Variants in PSD2 observed in about 807,000 individuals in gnomAD.
PSD2 encodes the protein PH and SEC7 domain-containing protein 2.
A neutral mutation model predicts 69.8 loss-of-function variants in PSD2; 38 were observed. The ratio of observed to expected loss-of-function variants is 0.54; its 90% CI spans 0.42 to 0.71. The LOEUF (loss-of-function observed/expected upper bound fraction) is 0.71, where lower values mean the gene tolerates loss of function less well. Ranked by LOEUF, PSD2 falls within the 30% of genes least tolerant of loss-of-function variation. The probability of loss-of-function intolerance (pLI) is 0.00; values close to 1 mark genes in which losing one functional copy is unlikely to be tolerated. For synonymous variants in PSD2, 412 were observed against 423.0 expected, an observed-to-expected ratio of 0.97 and a Z score of 0.32; for missense variants, 943 against 1,014.5, an observed-to-expected ratio of 0.93 and a Z score of 0.96.
At chr5:139,809,342 C>T (rs1561594801) in intron 1 of PSD2, 49 bp from the exon 2 acceptor site, 1 of 1,436,238 alleles carries the variant, frequency 7.0e-7, no homozygotes, top group Non-Finnish European at 9.4e-7. Flanking sequence ...AGGTGCCCCC[C>T]AGCCCCAGTC....
In PSD2 at chr5:139,813,423, C is replaced by T. The variant is rs573050249; in HGVS notation, c.486C>T (p.Asp162=). 5.5e-5 allele frequency: 89 copies of T among 1,613,914 alleles called. No individual in the cohort carries two copies. Among genetic ancestry groups the T allele is most frequent in the East Asian group, 4.7e-4 (21 of 44,872 alleles). ...GTQYSSLDSL[D]GLSLTDESDS... The stretch of plus-strand genomic sequence containing the variant: ...AGTACAGCAGCCTCGACTCCCTAGA[C>T]GGGCTGAGCCTCACGGATGAGAGCG... Residue 162 remains aspartate, a synonymous_variant, in exon 3 of 15, where the codon GAC becomes GAT. Transcript: ENST00000274710.
At chr5:139,783,943 C>CTTTTTTTTTTTTTTTTTTTTT in the PSD2 span, among the ~76,000 whole-genome samples, 129 of 87,878 alleles carry the variant, frequency 1.5e-3, 9 homozygotes, top group African/African-American at 5.2e-3. Context: ...TCTGCTAGCT[C>CTTTTTTTTTTTTTTTTTTTTT]TTTTTTTTTT....
chr5:139,840,289 G>A (rs1760842855), intron 14 of PSD2, 119 bp downstream of exon 14: 1 of 1,153,928 alleles, frequency 8.7e-7, no homozygotes, highest in South Asian at 1.5e-5. Context: ...TGATGTGGGA[G>A]CTGGGAGGGA....
chr5:139,794,390 T>C (rs945600013), upstream of PSD2, among the ~76,000 whole-genome samples: 7 of 152,210 alleles, frequency 4.6e-5, no homozygotes, highest in African/African-American at 1.7e-4. Context: ...CAGCTCCTGC[T>C]GTTGCCCAGC....
Position 139,814,091 on chromosome 5 carries a change from G to A in PSD2, c.822-79G>A. ...GCCCCTACATGGTTTGCAGTGGCCT[G>A]GGGAAACCTCCCAGCCTCCTCTGGG... is the stretch of plus-strand genomic sequence containing the variant. On this transcript the variant is annotated intron_variant, in intron 3 of 14. Transcript: ENST00000274710. The surrounding 1 kb of genome is among the most constrained non-coding windows in gnomAD (Gnocchi z 4.4). 1.4e-6 allele frequency: 2 copies of A among 1,429,236 alleles called. No individual in the cohort carries two copies. The highest frequency in any genetic ancestry group is 9.7e-7 in the Non-Finnish European group (1 of 1,034,096). 88.5% of individuals were successfully genotyped at this position (1,429,236 alleles called of 1,614,324 possible).
chr5:139,744,561 G>A, the PSD2 span, among the ~76,000 whole-genome samples: 2 of 152,314 alleles, frequency 1.3e-5, no homozygotes, highest in Admixed American at 1.3e-4. Context: ...AAGACAGATG[G>A]CGAGGGATTA....
At chr5:139,802,302 G>A (rs1247860592) in intron 1 of PSD2, among the ~76,000 whole-genome samples, 1 of 152,046 alleles carries the variant, frequency 6.6e-6, no homozygotes, top group Non-Finnish European at 1.5e-5. Context: ...GCAGACAGAA[G>A]GGAGGAGGAA....
the PSD2 span, among the ~76,000 whole-genome samples, chr5:139,788,727 C>T: frequency 1.3e-5 from 2 of 152,170 alleles, no homozygotes; most frequent in Non-Finnish European, 1.5e-5. Context: ...GGCCGGCTGC[C>T]GGCTGGCTCT....
intron 8 of PSD2, 74 bp from the exon 9 acceptor site, chr5:139,835,649 A>C: frequency 1.4e-6 from 2 of 1,448,398 alleles, no homozygotes; most frequent in Non-Finnish European, 1.9e-6. Flanking sequence ...CACTGTACCC[A>C]TGTTATTGGT....
At chr5:139,799,610 G>A (rs898017345) in intron 1 of PSD2, among the ~76,000 whole-genome samples, 1 of 152,168 alleles carries the variant, frequency 6.6e-6, no homozygotes, top group African/African-American at 2.4e-5. Context: ...CTCTGAGGAG[G>A]ATGGAGTGGG....
chr5:139,755,480 T>G, the PSD2 span, among the ~76,000 whole-genome samples: 1 of 152,136 alleles, frequency 6.6e-6, no homozygotes, highest in Non-Finnish European at 1.5e-5. Context: ...TAGCTCTGCC[T>G]GCGTCATTCT....
the PSD2 span, among the ~76,000 whole-genome samples, chr5:139,771,499 C>T: frequency 3.3e-5 from 5 of 152,212 alleles, no homozygotes; most frequent in Middle Eastern, 3.2e-3. Context: ...CTGCCTCAGC[C>T]TCCCGAGTAG....
the PSD2 span, among the ~76,000 whole-genome samples, chr5:139,763,846 C>T: frequency 6.6e-6 from 1 of 152,326 alleles, no homozygotes; most frequent in African/African-American, 2.4e-5. Flanking sequence ...CTTGCGTTTT[C>T]TCCCAAGACC....
At chr5:139,803,410 C>T (rs1424035163) in intron 1 of PSD2, among the ~76,000 whole-genome samples, 1 of 152,206 alleles carries the variant, frequency 6.6e-6, no homozygotes. Flanking sequence ...TTCCTTGCAG[C>T]CCCCAGAAGG....
In PSD2 at chr5:139,839,945, G is replaced by A. The variant is rs1760830327; in HGVS notation, c.1969-82G>A. 2 of 1,495,036 alleles carry A rather than the reference G, an allele frequency of 1.3e-6. No individual in the cohort carries two copies. Among genetic ancestry groups the A allele is most frequent in the Non-Finnish European group, 9.2e-7 (1 of 1,085,016 alleles). 92.6% of individuals were successfully genotyped at this position (1,495,036 alleles called of 1,614,324 possible). On this transcript the variant is annotated intron_variant, in intron 13 of 14. Transcript: ENST00000274710. The surrounding 1 kb of genome is among the most constrained non-coding windows in gnomAD (Gnocchi z 5.1). ...TAGGCCTTCATTTCCCTTTGGTGGAGCAGCTCCTGGTAGAACAGGATTTGA... is the reference window on the plus strand; with the variant it reads ...TAGGCCTTCATTTCCCTTTGGTGGAACAGCTCCTGGTAGAACAGGATTTGA...
the PSD2 span, among the ~76,000 whole-genome samples, chr5:139,755,441 G>A: frequency 6.6e-6 from 1 of 152,070 alleles, no homozygotes; most frequent in Non-Finnish European, 1.5e-5. Flanking sequence ...TGGGGTGCTG[G>A]TCTCTATATT....
the PSD2 span, among the ~76,000 whole-genome samples, chr5:139,766,936 T>TCCCTCC: frequency 1.3e-5 from 1 of 75,038 alleles, no homozygotes; most frequent in Non-Finnish European, 2.7e-5. Context: ...TTCCCTTCTT[T>TCCCTCC]CTTTCTTTCT....
chr5:139,792,859 TTTCCTTCCTTCC>T (rs141834556), upstream of PSD2, among the ~76,000 whole-genome samples: 2,669 of 107,872 alleles, frequency 0.025, 50 homozygotes, highest in East Asian at 0.044. Context: ...TCTTTCTGTC[TTTCCTTCCTTCC>T]TTCCTTCCTT....
At chr5:139,785,109 A>G in the PSD2 span, among the ~76,000 whole-genome samples, 15 of 151,990 alleles carry the variant, frequency 9.9e-5, no homozygotes, top group Non-Finnish European at 1.8e-4. Context: ...GTGCCCACTG[A>G]TAATACTCTA....
Sources: gnomAD v4.1 joint callset for allele counts (sites outside exome capture counted in the v4.1 genomes callset) on GRCh38, gnomAD v4.1.1 for gene constraint, Gnocchi (gnomAD v3.1) non-coding constraint, MANE v1.5 for transcripts, NCBI Gene and HGNC (gene_info 2026-07-23, HGNC 2026-07-21) for gene names.